The following ABCA5 variants were observed in gnomAD, a reference collection of about 807,000 sequenced individuals.
ABCA5 encodes the protein cholesterol transporter ABCA5.
In ABCA5, 163 loss-of-function variants were observed where a neutral mutation model predicts 206.0. That is an observed-to-expected ratio of 0.79 (90% CI 0.70 to 0.90). The LOEUF (loss-of-function observed/expected upper bound fraction) is 0.90, where lower values mean the gene tolerates loss of function less well. Among genes scored for constraint, ABCA5 ranks in the 40% least tolerant of loss-of-function variants. The pLI is 0.00. For missense variants in ABCA5, 1,859 were observed against 1,912.9 expected (o/e 0.97, Z 0.53); for synonymous variants, 609 against 613.8 (o/e 0.99, Z 0.11).
chr17:69,315,994 A>G (rs2075812625), intron 1 of ABCA5, among the ~76,000 whole-genome samples: 1 of 152,156 alleles, frequency 6.6e-6, no homozygotes, highest in Admixed American at 6.5e-5. Flanking sequence ...GAAATTTTAG[A>G]ACACAAAAAC....
At chr17:69,290,237 C>T (rs2075511068) in intron 12 of ABCA5, among the ~76,000 whole-genome samples, 200 bp from the exon 13 acceptor site, 1 of 152,108 alleles carries the variant, frequency 6.6e-6, no homozygotes, top group Non-Finnish European at 1.5e-5. Context: ...CCATCACTTA[C>T]AGGTCATATA....
chr17:69,272,072 C>A (rs1320440701), intron 20 of ABCA5, among the ~76,000 whole-genome samples: 1 of 152,068 alleles, frequency 6.6e-6, no homozygotes, highest in East Asian at 1.9e-4. Flanking sequence ...TCAAACAAAG[C>A]AAAACATTAC....
At chr17:69,278,670 A>C (rs2075358887) in intron 18 of ABCA5, among the ~76,000 whole-genome samples, 1 of 152,242 alleles carries the variant, frequency 6.6e-6, no homozygotes, top group Non-Finnish European at 1.5e-5. Flanking sequence ...TTTCATTTTA[A>C]TATTTAATAT....
rs1295434314 is a variant in ABCA5, at chr17:69,288,326, TG to T, written c.1903-576del. Among the ~76,000 whole-genome samples, 4 of 152,084 alleles carry T rather than the reference TG, an allele frequency of 2.6e-5. No homozygotes were observed. In the South Asian group the frequency reaches 6.2e-4, roughly 24 times the overall value. Reference sequence around the variant, plus strand: ...GTCAGTTTTGATGCCCTGTGTAAAGTGGTACATCAGTTGTTTCTCTGTTTCT... The same window carrying T: ...GTCAGTTTTGATGCCCTGTGTAAAGTGTACATCAGTTGTTTCTCTGTTTCT... On this transcript the variant is annotated intron_variant, in intron 14 of 38. Transcript: ENST00000392676.
chr17:69,273,997 T>C lies in ABCA5; in HGVS notation c.2726A>G (p.His909Arg). Residue 909 changes from histidine (H) to arginine (R), a missense_variant, in exon 20 of 39, where the codon CAT becomes CGT. His to Arg is a conservative substitution (Grantham distance 29). Transcript: ENST00000392676. ...AAGAAGCAGACTTGTTTTGTATTTA[T>C]GTGGTTTGTCTCCAGGTTTTAGAAA... ...LYFLKPGDKP[H>R]KYKTSLLLQN... is the part of the protein sequence containing the mutation. 6.2e-7 allele frequency: 1 copy of C among 1,608,512 alleles called. No individual in the cohort carries two copies. Among genetic ancestry groups the C allele is most frequent in the African/African-American group, 1.3e-5 (1 of 74,566 alleles).
intron 3 of ABCA5, among the ~76,000 whole-genome samples, chr17:69,310,687 G>T (rs1218117726): frequency 6.6e-6 from 1 of 152,038 alleles, no homozygotes; most frequent in Non-Finnish European, 1.5e-5. Context: ...TTGTAGTTTT[G>T]TTTACAAGCA....
chr17:69,292,420 T>G (rs562035841), intron 11 of ABCA5, among the ~76,000 whole-genome samples: 1 of 152,208 alleles, frequency 6.6e-6, no homozygotes, highest in Non-Finnish European at 1.5e-5. Flanking sequence ...TGGTAACATA[T>G]AGAAATACAA....
Position 69,308,272 on chromosome 17 carries a change from A to G in ABCA5, c.558+8T>C, listed in dbSNP as rs769770910. The G allele has an allele frequency of 4.5e-6, 7 of 1,546,804 alleles. No homozygotes were observed. The South Asian group carries it at 4.5e-5, about 10-fold the overall frequency. ...TAGTTTTTGTATTTCTTCCTTTATCATATTTACCTGTATAATGGCAGCATC... is the reference window on the plus strand; with the variant it reads ...TAGTTTTTGTATTTCTTCCTTTATCGTATTTACCTGTATAATGGCAGCATC... On this transcript the variant is annotated splice_region_variant and intron_variant, in intron 5 of 38. Transcript: ENST00000392676.
chr17:69,289,823 C>T lies in ABCA5; in HGVS notation c.1782+39G>A, dbSNP rs552490201. On this transcript the variant is annotated intron_variant, in intron 13 of 38. Coordinates refer to ENST00000392676, the MANE Select transcript of ABCA5 (RefSeq NM_172232.4). ...AGTCATTACAAAAGGTTATTGATTA[C>T]AGGAAATAAAAGTAAAGATTTCTAT... The T allele has an allele frequency of 6.8e-6, 10 of 1,470,892 alleles. No individual in the cohort carries two copies. In the South Asian group the frequency reaches 1.2e-4, roughly 18 times the overall value. The allele number at this position is 1,470,892 out of a possible 1,614,324, so 91.1% of individuals were successfully genotyped here. A position where few individuals can be genotyped will look rare whatever the true frequency, so the allele number is the denominator to read the frequency against.
chr17:69,312,732 A>T (rs1302661702), intron 3 of ABCA5, among the ~76,000 whole-genome samples: 3 of 152,210 alleles, frequency 2.0e-5, no homozygotes, highest in African/African-American at 4.8e-5. Flanking sequence ...CTACAGGCAC[A>T]TGCTACCACA....
intron 12 of ABCA5, among the ~76,000 whole-genome samples, chr17:69,290,248 A>G (rs1397470615): frequency 6.6e-6 from 1 of 152,140 alleles, no homozygotes; most frequent in Non-Finnish European, 1.5e-5. Context: ...AGGTCATATA[A>G]CATAGTGGGA....
At chr17:69,307,864 A>C (rs1047824587) in intron 5 of ABCA5, among the ~76,000 whole-genome samples, 1 of 152,164 alleles carries the variant, frequency 6.6e-6, no homozygotes, top group East Asian at 1.9e-4. Context: ...GTTGATATAC[A>C]TTTTGAAATT....
Position 69,286,155 on chromosome 17 carries a change from C to A in ABCA5, c.2132+66G>T, listed in dbSNP as rs897895738. ...GATGGTCAAAGCATATAACAGCAAG[C>A]CTCCAACATAATAACAGTATAGCAA... On this transcript the variant is annotated intron_variant, in intron 16 of 38. Transcript: ENST00000392676. The A allele has an allele frequency of 3.9e-5, 60 of 1,546,962 alleles. No homozygotes were observed. In the African/African-American group the frequency reaches 7.1e-4, roughly 18 times the overall value.
At chr17:69,320,021 ATAGTAGTACCTACCTCTTTGGGTTG>A (rs2075849810) in intron 1 of ABCA5, among the ~76,000 whole-genome samples, 1 of 152,240 alleles carries the variant, frequency 6.6e-6, no homozygotes, top group South Asian at 2.1e-4. Flanking sequence ...AAATACAACA[ATAGTAGTACCTACCTCTTTGGGTTG>A]TTAAAATGAC....
At chr17:69,260,998 T>C in intron 26 of ABCA5, 127 bp downstream of exon 26, 1 of 726,170 alleles carries the variant, frequency 1.4e-6, no homozygotes. Flanking sequence ...GCATTAATAA[T>C]ATCTAAATCA....
rs2144984739 is a variant in ABCA5, at chr17:69,291,205, A to G, written c.1606+11T>C. ...AATGAAGTTTTTTTTTCTTTAAGAC[A>G]GAAAACTCACCATCAGAAGGTGGGC... On this transcript the variant is annotated intron_variant, in intron 12 of 38. Transcript: ENST00000392676. 2.6e-6 allele frequency: 4 copies of G among 1,547,126 alleles called. No homozygotes were observed. The East Asian group carries it at 9.1e-5, about 35-fold the overall frequency.
intron 25 of ABCA5, 40 bp from the exon 26 acceptor site, chr17:69,261,299 T>G (rs2075144425): frequency 6.4e-7 from 1 of 1,555,030 alleles, no homozygotes; most frequent in African/African-American, 1.4e-5. Flanking sequence ...ACAAAGTGTT[T>G]AGAAACTTCT....
At chr17:69,248,072 A>T (rs2074971746) in intron 38 of ABCA5, among the ~76,000 whole-genome samples, 190 bp downstream of exon 38, 2 of 152,110 alleles carry the variant, frequency 1.3e-5, no homozygotes, top group South Asian at 2.1e-4. Flanking sequence ...ATATCAATTT[A>T]AAAAATAAAA....
chr17:69,275,356 A>G (rs546644660), intron 19 of ABCA5, among the ~76,000 whole-genome samples: 1 of 152,282 alleles, frequency 6.6e-6, no homozygotes, highest in African/African-American at 2.4e-5. Context: ...AAATATCTAT[A>G]TATCACATGT....
Sources: allele counts gnomAD v4.1 joint callset (sites outside exome capture counted in the v4.1 genomes callset), GRCh38; gene constraint gnomAD v4.1.1; transcripts MANE v1.5; gene names NCBI Gene and HGNC (gene_info 2026-07-23, HGNC 2026-07-21).